The following PRELID2 variants were observed in gnomAD, a reference collection of about 807,000 sequenced individuals.
PRELID2 encodes PRELI domain-containing protein 2.
A neutral mutation model predicts 28.4 loss-of-function variants in PRELID2; 25 were observed. The observed-to-expected ratio is 0.88, with a 90% confidence interval of 0.64 to 1.23. The LOEUF (loss-of-function observed/expected upper bound fraction) is 1.23, where lower values mean the gene tolerates loss of function less well. PRELID2 is among the 50% of genes most tolerant of loss of function. The pLI is 0.00. For synonymous variants in PRELID2, 76 were observed against 71.6 expected, an observed-to-expected ratio of 1.06 and a Z score of -0.31; for missense variants, 201 against 214.4, an observed-to-expected ratio of 0.94 and a Z score of 0.39.
At chr5:145,701,267 G>A (rs1214448210) in intron 1 of PRELID2, among the ~76,000 whole-genome samples, 1 of 152,092 alleles carries the variant, frequency 6.6e-6, no homozygotes, top group Non-Finnish European at 1.5e-5. Flanking sequence ...CCTTCACACC[G>A]ACTGCACTGC....
the PRELID2 span, among the ~76,000 whole-genome samples, chr5:145,459,204 C>T: frequency 2.6e-5 from 4 of 152,138 alleles, no homozygotes; most frequent in Non-Finnish European, 5.9e-5. Context: ...TCTGATGTCC[C>T]CTGGGAGCTG....
At chr5:145,247,379 T>G in the PRELID2 span, among the ~76,000 whole-genome samples, 5 of 152,262 alleles carry the variant, frequency 3.3e-5, no homozygotes, top group Non-Finnish European at 5.9e-5. Context: ...TTCCCCTGTT[T>G]TGACAAATTG....
the PRELID2 span, among the ~76,000 whole-genome samples, chr5:145,425,941 C>G: frequency 6.6e-6 from 1 of 152,164 alleles, no homozygotes; most frequent in Non-Finnish European, 1.5e-5. Flanking sequence ...GGTAGAAACA[C>G]AAGGCACCTG....
intron 1 of PRELID2, among the ~76,000 whole-genome samples, chr5:145,553,552 C>T (rs1431317395): frequency 6.6e-6 from 1 of 152,110 alleles, no homozygotes; most frequent in Non-Finnish European, 1.5e-5. Context: ...TAAGTAAGTT[C>T]TATTACAATT....
chr5:145,711,847 C>A (rs1004302852), intron 1 of PRELID2, among the ~76,000 whole-genome samples: 1 of 152,130 alleles, frequency 6.6e-6, no homozygotes, highest in Non-Finnish European at 1.5e-5. Flanking sequence ...GCACAGAGAG[C>A]CAGGGGCAGG....
the PRELID2 span, among the ~76,000 whole-genome samples, chr5:145,362,838 T>C: frequency 6.6e-6 from 1 of 152,114 alleles, no homozygotes; most frequent in African/African-American, 2.4e-5. Context: ...TAGATCTTTC[T>C]AAGACATACA....
At chr5:145,495,550 C>T (rs1209567408) in intron 1 of PRELID2, among the ~76,000 whole-genome samples, 1 of 152,134 alleles carries the variant, frequency 6.6e-6, no homozygotes. Flanking sequence ...ATACACCCAG[C>T]CTGACTTTCA....
the PRELID2 span, among the ~76,000 whole-genome samples, chr5:145,286,708 T>TTTTG: frequency 1.0e-5 from 1 of 97,078 alleles, no homozygotes; most frequent in Admixed American, 9.5e-5. Flanking sequence ...TTTTGTTTTT[T>TTTTG]TTTGTTTGTT....
intron 1 of PRELID2, among the ~76,000 whole-genome samples, chr5:145,640,501 G>A (rs1334877037): frequency 1.4e-5 from 2 of 138,818 alleles, no homozygotes; most frequent in East Asian, 2.1e-4. Context: ...AAAATTGGCC[G>A]GCCATGGTGG....
At chr5:145,364,952 A>G in the PRELID2 span, among the ~76,000 whole-genome samples, 1 of 152,032 alleles carries the variant, frequency 6.6e-6, no homozygotes, top group African/African-American at 2.4e-5. Context: ...TTAATGTAAA[A>G]GTGCTGGACT....
At chr5:145,782,649 T>C (rs1048751620) in intron 5 of PRELID2, among the ~76,000 whole-genome samples, 2 of 152,244 alleles carry the variant, frequency 1.3e-5, no homozygotes, top group Non-Finnish European at 2.9e-5. Context: ...ACCACATGCT[T>C]ACCATGGCTT....
chr5:145,508,195 A>G (rs553630812), intron 1 of PRELID2, among the ~76,000 whole-genome samples: 1 of 152,290 alleles, frequency 6.6e-6, no homozygotes, highest in African/African-American at 2.4e-5. Flanking sequence ...TTTAAAATGC[A>G]CATTCACATT....
chr5:145,700,209 C>T (rs2149702246), intron 1 of PRELID2, among the ~76,000 whole-genome samples: 1 of 152,128 alleles, frequency 6.6e-6, no homozygotes, highest in Non-Finnish European at 1.5e-5. Context: ...CCCAACTTTC[C>T]ATCGCCCCTA....
chr5:145,419,705 G>C, the PRELID2 span, among the ~76,000 whole-genome samples: 62 of 152,038 alleles, frequency 4.1e-4, no homozygotes, highest in African/African-American at 1.1e-3. Flanking sequence ...ATGGTAGTTT[G>C]TTTTGCTGTG....
chr5:145,816,021 A>G (rs987362197), intron 4 of PRELID2, among the ~76,000 whole-genome samples: 11 of 149,180 alleles, frequency 7.4e-5, no homozygotes, highest in Non-Finnish European at 1.6e-4. Context: ...CATAAGAAAC[A>G]TGTAAGGGTT....
chr5:145,743,817 G>C (rs911053436), intron 1 of PRELID2, among the ~76,000 whole-genome samples: 3 of 152,222 alleles, frequency 2.0e-5, no homozygotes, highest in Admixed American at 2.0e-4. Flanking sequence ...CCCAGGGGGA[G>C]GGACAACCAC....
chr5:145,318,113 T>C, the PRELID2 span, among the ~76,000 whole-genome samples: 1 of 152,170 alleles, frequency 6.6e-6, no homozygotes, highest in Non-Finnish European at 1.5e-5. Flanking sequence ...ACATTTTATT[T>C]AGAGTTCCAG....
chr5:145,814,904 G>A (rs1352500918), intron 4 of PRELID2, among the ~76,000 whole-genome samples: 4 of 152,162 alleles, frequency 2.6e-5, no homozygotes, highest in Admixed American at 6.5e-5. Context: ...GAATGAACAC[G>A]CTCATGCGCT....
At chr5:145,397,465 TAAA>T in the PRELID2 span, among the ~76,000 whole-genome samples, 1 of 151,448 alleles carries the variant, frequency 6.6e-6, no homozygotes, top group Non-Finnish European at 1.5e-5. Context: ...TAGGGGGAAA[TAAA>T]AAAAAACTTT....
Sources: gnomAD v4.1 joint callset for allele counts (sites outside exome capture counted in the v4.1 genomes callset) on GRCh38, gnomAD v4.1.1 for gene constraint, MANE v1.5 for transcripts, NCBI Gene and HGNC (gene_info 2026-07-23, HGNC 2026-07-21) for gene names.